Variants in PDZRN4 observed in about 807,000 individuals in gnomAD.
PDZRN4 encodes the protein PDZ domain containing ring finger 4.
Under a neutral mutation model 99.0 loss-of-function variants are expected in PDZRN4, and 70 were observed. That is an observed-to-expected ratio of 0.71 (90% CI 0.58 to 0.86). PDZRN4 has a LOEUF of 0.86. PDZRN4 is among the 40% of genes least tolerant of loss of function. The probability of loss-of-function intolerance (pLI) is 0.00; values close to 1 mark genes in which losing one functional copy is unlikely to be tolerated. For synonymous variants in PDZRN4, 551 were observed against 501.6 expected (o/e 1.10, Z -1.32); for missense variants, 1,474 against 1,331.2 (o/e 1.11, Z -1.67).
At chr12:41,330,233 C>A (rs1951733976) in intron 3 of PDZRN4, among the ~76,000 whole-genome samples, 1 of 151,968 alleles carries the variant, frequency 6.6e-6, no homozygotes, top group African/African-American at 2.4e-5. Flanking sequence ...CCATTGATAA[C>A]CCATGTTGCA....
intron 3 of PDZRN4, among the ~76,000 whole-genome samples, chr12:41,323,290 G>T (rs995993601): frequency 2.6e-5 from 4 of 151,880 alleles, no homozygotes; most frequent in African/African-American, 9.7e-5. Flanking sequence ...CATTTGTATT[G>T]GAATGAAAGC....
At chr12:41,526,248 T>G (rs974931868) in intron 5 of PDZRN4, among the ~76,000 whole-genome samples, 3 of 152,184 alleles carry the variant, frequency 2.0e-5, no homozygotes, top group African/African-American at 7.2e-5. Context: ...AGAGCTGACC[T>G]GTGGCTCTTG....
intron 5 of PDZRN4, among the ~76,000 whole-genome samples, chr12:41,522,423 C>A (rs1240110002): frequency 6.6e-6 from 1 of 152,050 alleles, no homozygotes; most frequent in Non-Finnish European, 1.5e-5. Flanking sequence ...GATTTATTCA[C>A]CTTAACATAT....
intron 3 of PDZRN4, among the ~76,000 whole-genome samples, chr12:41,482,746 T>G (rs1937697064): frequency 6.6e-6 from 1 of 152,038 alleles, no homozygotes; most frequent in Non-Finnish European, 1.5e-5. Context: ...AACATTTTAA[T>G]GATACATTAT....
intron 3 of PDZRN4, among the ~76,000 whole-genome samples, chr12:41,463,225 G>A (rs1021739450): frequency 3.9e-5 from 6 of 152,086 alleles, no homozygotes; most frequent in African/African-American, 9.7e-5. Flanking sequence ...CTGGACAAAC[G>A]GCTGATTTGT....
At chr12:41,219,454 C>A (rs1049395559) in intron 3 of PDZRN4, among the ~76,000 whole-genome samples, 1 of 151,974 alleles carries the variant, frequency 6.6e-6, no homozygotes, top group African/African-American at 2.4e-5. Context: ...AAAGAATAAT[C>A]TAGTAATAAT....
chr12:41,247,479 G>T (rs1279884487), intron 3 of PDZRN4, among the ~76,000 whole-genome samples: 4 of 152,136 alleles, frequency 2.6e-5, no homozygotes, highest in Admixed American at 2.6e-4. Context: ...ATTGATTGTT[G>T]ATTTAACTTG....
intron 3 of PDZRN4, among the ~76,000 whole-genome samples, chr12:41,233,502 A>G (rs1418076824): frequency 2.0e-5 from 3 of 152,144 alleles, no homozygotes; most frequent in African/African-American, 4.8e-5. Context: ...TGTTTATAGC[A>G]GCACTATTCA....
At chr12:41,399,736 C>CAA (rs11324694) in intron 3 of PDZRN4, among the ~76,000 whole-genome samples, 10 of 127,634 alleles carry the variant, frequency 7.8e-5, no homozygotes, top group African/African-American at 2.2e-4. Context: ...AACTTTGTCT[C>CAA]AAAAAAAAAA....
chr12:41,232,573 C>A (rs1047589433), intron 3 of PDZRN4, among the ~76,000 whole-genome samples: 10 of 152,170 alleles, frequency 6.6e-5, no homozygotes, highest in Admixed American at 2.0e-4. Context: ...TGGATATTAA[C>A]CCTTTGTCAG....
At chr12:41,245,677 A>T (rs1472543243) in intron 3 of PDZRN4, among the ~76,000 whole-genome samples, 1 of 152,184 alleles carries the variant, frequency 6.6e-6, no homozygotes, top group Non-Finnish European at 1.5e-5. Context: ...CATTTTCCAT[A>T]ATAAAAAGTG....
intron 3 of PDZRN4, among the ~76,000 whole-genome samples, chr12:41,375,657 G>A (rs1952073699): frequency 1.3e-5 from 2 of 151,960 alleles, no homozygotes; most frequent in South Asian, 4.2e-4. Flanking sequence ...CAATATAATG[G>A]TTTGATATAC....
intron 5 of PDZRN4, among the ~76,000 whole-genome samples, chr12:41,540,378 T>C (rs1255012448): frequency 1.3e-5 from 2 of 152,200 alleles, no homozygotes; most frequent in Non-Finnish European, 2.9e-5. Context: ...TATTATGTCA[T>C]ATTCTCAATG....
rs74601971 is a variant in PDZRN4, at chr12:41,571,118, G to C, written c.1585-1246G>C. On this transcript the variant is annotated intron_variant, in intron 9 of 9. Transcript: ENST00000402685. The stretch of plus-strand genomic sequence containing the variant: ...TGTAATTACATCTTCTAGAGGGATG[G>C]AGCTATATCTATACCTATCTATCTA... 7.6e-4 allele frequency among the ~76,000 whole-genome samples: 115 copies of C among 152,110 alleles called. No individual in the cohort carries two copies. In the East Asian group the frequency reaches 0.021, roughly 27 times the overall value.
intron 3 of PDZRN4, among the ~76,000 whole-genome samples, chr12:41,491,427 C>T (rs1328697084): frequency 6.6e-6 from 1 of 152,148 alleles, no homozygotes; most frequent in Non-Finnish European, 1.5e-5. Flanking sequence ...GAGGCTGAGG[C>T]AGGAGAATCG....
chr12:41,322,586 G>A (rs577325474), intron 3 of PDZRN4, among the ~76,000 whole-genome samples: 1 of 133,314 alleles, frequency 7.5e-6, no homozygotes, highest in Non-Finnish European at 1.5e-5. Flanking sequence ...CGCCTCCCTG[G>A]TTCACGCCAT....
chr12:41,269,361 A>G (rs1951298942), intron 3 of PDZRN4, among the ~76,000 whole-genome samples: 1 of 152,172 alleles, frequency 6.6e-6, no homozygotes, highest in East Asian at 1.9e-4. Context: ...ATAATTGTTG[A>G]TACTATTTAA....
chr12:41,379,749 A>C lies in PDZRN4; in HGVS notation c.844-126707A>C, dbSNP rs552853085. 1.5e-3 allele frequency among the ~76,000 whole-genome samples: 227 copies of C among 151,772 alleles called. 1 individual carries two copies. The highest frequency in any genetic ancestry group is 5.0e-3 in the African/African-American group (209 of 41,442). ...TTTTAGTCTTCTTGCAATTATTAAG[A>C]GATGTTTTGGGATCTAACATATGAT... On this transcript the variant is annotated intron_variant, in intron 3 of 9. Coordinates refer to ENST00000402685, the MANE Select transcript of PDZRN4 (RefSeq NM_001164595.2).
chr12:41,335,656 A>G (rs1951767988), intron 3 of PDZRN4, among the ~76,000 whole-genome samples: 1 of 152,088 alleles, frequency 6.6e-6, no homozygotes, highest in African/African-American at 2.4e-5. Flanking sequence ...CAGCACTGAG[A>G]ATGAAGAGGC....
Sources: gnomAD v4.1 joint callset for allele counts (sites outside exome capture counted in the v4.1 genomes callset) on GRCh38, gnomAD v4.1.1 for gene constraint, MANE v1.5 for transcripts, NCBI Gene and HGNC (gene_info 2026-07-23, HGNC 2026-07-21) for gene names.